The following FMR1 variants were observed in gnomAD, a reference collection of about 807,000 sequenced individuals.
The protein encoded by FMR1 is fragile X messenger ribonucleoprotein 1.
FMR1 carries 13 observed loss-of-function variants against 50.6 expected under a neutral mutation model. The ratio of observed to expected loss-of-function variants is 0.26; its 90% CI spans 0.17 to 0.41. The LOEUF is 0.41. FMR1 is among the 10% of genes least tolerant of loss of function. FMR1 has a pLI of 1.00. For missense variants in FMR1, 316 were observed against 491.3 expected (o/e 0.64, Z 3.37); for synonymous variants, 138 against 164.1 (o/e 0.84, Z 1.22).
At chrX:147,932,338 G>A (rs2043636288) in intron 7 of FMR1, 87 bp from the exon 8 acceptor site, 1 of 875,639 alleles carries the variant, frequency 1.1e-6, no homozygotes, top group Admixed American at 2.2e-5. Context: ...CTCATATACA[G>A]GGTCAAGATA....
intron 6 of FMR1, 37 bp from the exon 7 acceptor site, chrX:147,930,091 T>A: frequency 1.7e-6 from 2 of 1,150,268 alleles, no homozygotes; most frequent in Non-Finnish European, 2.4e-6. Context: ...CTGGGGCAAT[T>A]GCCTTGATAA....
rs1557183666 is a variant in FMR1, at chrX:147,950,948, A to T, written c.*2104A>T. ...CTTCTAAAACTGTACTTTGATTCACATGTTTTCAAATGGAGTTGGAGTTCA... is the reference window on the plus strand; with the variant it reads ...CTTCTAAAACTGTACTTTGATTCACTTGTTTTCAAATGGAGTTGGAGTTCA... On this transcript the variant is annotated 3_prime_UTR_variant, in exon 17 of 17. Transcript: ENST00000370475. The T allele has an allele frequency of 3.6e-6, 1 of 275,060 alleles. No homozygotes were observed. Among genetic ancestry groups the T allele is most frequent in the Admixed American group, 4.7e-5 (1 of 21,191 alleles). 22.7% of individuals were successfully genotyped at this position (275,060 alleles called of 1,213,427 possible). A position where few individuals can be genotyped will look rare whatever the true frequency, so the allele number is the denominator to read the frequency against.
At chrX:147,912,338 G>T in intron 1 of FMR1, 108 bp downstream of exon 1, 2 of 758,547 alleles carry the variant, frequency 2.6e-6, no homozygotes, top group Non-Finnish European at 3.9e-6. Context: ...ACCGCGCCTG[G>T]GTGCCAGGGC....
At chrX:147,944,361 A>G in intron 14 of FMR1, 1 of 754,336 alleles carries the variant, frequency 1.3e-6, no homozygotes, top group South Asian at 6.7e-5. Flanking sequence ...GATCCAATCC[A>G]TGACCCACAA....
chrX:147,944,068 G>C, intron 14 of FMR1: 1 of 499,775 alleles, frequency 2.0e-6, no homozygotes, highest in Non-Finnish European at 2.5e-6. Context: ...GGAAGAGAGA[G>C]GTAGTAGAGC....
intron 11 of FMR1, 127 bp downstream of exon 11, chrX:147,937,727 A>G (rs1485971195): frequency 3.8e-6 from 2 of 520,721 alleles, no homozygotes; most frequent in Non-Finnish European, 6.9e-6. Context: ...TTCCAAATGT[A>G]ATTGCCAGCT....
At chrX:147,927,394 G>A (rs2043429180) in intron 3 of FMR1, among the ~76,000 whole-genome samples, 1 of 111,901 alleles carries the variant, frequency 8.9e-6, no homozygotes, top group Non-Finnish European at 1.9e-5. Flanking sequence ...AAGCAAGAGG[G>A]AAAGGTATGT....
intron 9 of FMR1, among the ~76,000 whole-genome samples, chrX:147,936,106 TTCTC>T (rs1168698106): frequency 8.9e-6 from 1 of 112,326 alleles, no homozygotes; most frequent in African/African-American, 3.2e-5. Context: ...ATATTTCCCA[TTCTC>T]TCTACTTTTT....
intron 2 of FMR1, among the ~76,000 whole-genome samples, chrX:147,923,115 T>C (rs1682958102): frequency 8.9e-6 from 1 of 111,925 alleles, no homozygotes; most frequent in Admixed American, 9.5e-5. Flanking sequence ...TATTTCATAA[T>C]TGAACTTAGC....
intron 1 of FMR1, among the ~76,000 whole-genome samples, chrX:147,917,317 G>A (rs1263484147): frequency 9.0e-6 from 1 of 111,527 alleles, no homozygotes; most frequent in Non-Finnish European, 1.9e-5. Context: ...CATCAGTCCT[G>A]GTAATAGAAT....
chrX:147,920,382 A>G (rs1557176188), intron 1 of FMR1, among the ~76,000 whole-genome samples: 1 of 111,538 alleles, frequency 9.0e-6, no homozygotes, highest in Non-Finnish European at 1.9e-5. Context: ...GCTGCCCCGT[A>G]GGCTTAGTGG....
chrX:147,923,964 T>G (rs2124482878), intron 2 of FMR1, among the ~76,000 whole-genome samples: 1 of 112,232 alleles, frequency 8.9e-6, no homozygotes, highest in African/African-American at 3.2e-5. Context: ...AAGCTCCTGT[T>G]ACTGATAGCA....
rs368581020 is a variant in FMR1, at chrX:147,918,555, C to CTTTTTTTTTTTTTTTTTTTTTTTT, written c.52-3376_52-3353dup. ...GAAATGCATTCAGAGCCTGCAAAAG[C>CTTTTTTTTTTTTTTTTTTTTTTTT]TTTTTTTTTTTTTTTTTTTTTTTTT... On this transcript the variant is annotated intron_variant, in intron 1 of 16. Transcript: ENST00000370475. Among the ~76,000 whole-genome samples the CTTTTTTTTTTTTTTTTTTTTTTTT allele has an allele frequency of 1.9e-4, 9 of 47,279 alleles. 1 individual carries two copies. The highest frequency in any genetic ancestry group is 4.3e-4 in the African/African-American group (4 of 9,275). 41.1% of individuals were successfully genotyped at this position (47,279 alleles called of 115,157 possible). A position where few individuals can be genotyped will look rare whatever the true frequency, so the allele number is the denominator to read the frequency against.
In FMR1 at chrX:147,949,227, T is replaced by G. The variant is rs1175379964; in HGVS notation, c.*383T>G. On this transcript the variant is annotated 3_prime_UTR_variant, in exon 17 of 17. Transcript: ENST00000370475. ...GCATTTATGGTAATCATATTAGACTTCTGTTTTCAATCTCGTATAGAAGTC... is the reference window on the plus strand; with the variant it reads ...GCATTTATGGTAATCATATTAGACTGCTGTTTTCAATCTCGTATAGAAGTC... 2 of 333,969 alleles carry G rather than the reference T, an allele frequency of 6.0e-6. No individual in the cohort carries two copies. The highest frequency in any genetic ancestry group is 5.7e-6 in the Non-Finnish European group (1 of 174,685). The allele number at this position is 333,969 out of a possible 1,213,427, so 27.5% of individuals were successfully genotyped here. A position where few individuals can be genotyped will look rare whatever the true frequency, so the allele number is the denominator to read the frequency against.
Position 147,949,703 on chromosome X carries a change from T to C in FMR1, c.*859T>C. 3.0e-6 allele frequency: 1 copy of C among 329,576 alleles called. No individual in the cohort carries two copies. The highest frequency in any genetic ancestry group is 5.9e-6 in the Non-Finnish European group (1 of 169,907). 27.2% of individuals were successfully genotyped at this position (329,576 alleles called of 1,213,427 possible). On this transcript the variant is annotated 3_prime_UTR_variant, in exon 17 of 17. Coordinates refer to ENST00000370475, the MANE Select transcript of FMR1 (RefSeq NM_002024.6). Reference sequence around the variant, plus strand: ...TTCATCTGAGAGAGGCTAAAATGTTTTCAGCTAGGAACAAATCTTCCTGGT... The same window carrying C: ...TTCATCTGAGAGAGGCTAAAATGTTCTCAGCTAGGAACAAATCTTCCTGGT...
At position 147,951,124 on chromosome X, in the gene FMR1, A is replaced by T. The variant is rs2044303632; in HGVS notation, c.*2280A>T. The T allele has an allele frequency of 4.8e-6, 1 of 207,796 alleles. No homozygotes were observed. The allele number at this position is 207,796 out of a possible 1,213,427, so 17.1% of individuals were successfully genotyped here. A position where few individuals can be genotyped will look rare whatever the true frequency, so the allele number is the denominator to read the frequency against. On this transcript the variant is annotated 3_prime_UTR_variant, in exon 17 of 17. Transcript: ENST00000370475. ...AAGTTGCACTTATGAAAAAGCAAAAAATTAGTCTGACAGATGTTTGCTCCT... is the reference window on the plus strand; with the variant it reads ...AAGTTGCACTTATGAAAAAGCAAAATATTAGTCTGACAGATGTTTGCTCCT...
intron 3 of FMR1, chrX:147,927,522 T>G (rs2043433504): frequency 8.9e-6 from 1 of 111,976 alleles, no homozygotes; most frequent in Non-Finnish European, 1.9e-5. Flanking sequence ...TGGCCTCATG[T>G]CTTTATCCCC....
intron 3 of FMR1, among the ~76,000 whole-genome samples, chrX:147,926,701 T>G (rs142847092): frequency 0.01 from 1,162 of 110,799 alleles, 20 homozygotes; most frequent in African/African-American, 0.036. Flanking sequence ...TTGGTCAGGC[T>G]AGTCTCGAAC....
chrX:147,925,683 A>G lies in FMR1; in HGVS notation c.198+50A>G, dbSNP rs782720052. 4 of 808,318 alleles carry G rather than the reference A, an allele frequency of 4.9e-6. No homozygotes were observed. The South Asian group carries it at 8.2e-5, about 17-fold the overall frequency. The allele number at this position is 808,318 out of a possible 1,213,427, so 66.6% of individuals were successfully genotyped here. Reference sequence around the variant, plus strand: ...ATTTAGCACTGAAAGAGTGGGGTTAATTTATCTGTGTTTTTTTTTAATACT... The same window carrying G: ...ATTTAGCACTGAAAGAGTGGGGTTAGTTTATCTGTGTTTTTTTTTAATACT... On this transcript the variant is annotated intron_variant, in intron 3 of 16. Coordinates refer to ENST00000370475, the MANE Select transcript of FMR1 (RefSeq NM_002024.6).
Sources: allele counts gnomAD v4.1 joint callset (sites outside exome capture counted in the v4.1 genomes callset), GRCh38; gene constraint gnomAD v4.1.1; transcripts MANE v1.5; gene names NCBI Gene and HGNC (gene_info 2026-07-23, HGNC 2026-07-21).